Variants in ELN observed in about 807,000 individuals in gnomAD.
ELN encodes the protein tropoelastin.
A neutral mutation model predicts 105.8 loss-of-function variants in ELN; 65 were observed. The observed-to-expected ratio is 0.61, with a 90% CI of 0.50 to 0.75. The LOEUF (loss-of-function observed/expected upper bound fraction) is 0.75, where lower values mean the gene tolerates loss of function less well. Among genes scored for constraint, ELN ranks in the 30% least tolerant of loss-of-function variants. The pLI is 0.00. For synonymous variants in ELN, 368 were observed against 389.2 expected (o/e 0.95, Z 0.64); for missense variants, 882 against 969.4 (o/e 0.91, Z 1.20).
Position 74,063,232 on chromosome 7 carries a change from G to GA in ELN, c.1858+11dup, listed in dbSNP as rs782594080. 3.7e-6 allele frequency: 6 copies of GA among 1,605,270 alleles called. No homozygotes were observed. Among genetic ancestry groups the GA allele is most frequent in the African/African-American group, 1.3e-5 (1 of 74,916 alleles). On this transcript the variant is annotated intron_variant, in intron 27 of 32. Transcript: ENST00000252034. The surrounding 1 kb of genome is among the most constrained non-coding windows in gnomAD (Gnocchi z 4.1). ...TCCCAGGCGGTGTGGTGGGTGAGTT[G>GA]AAACCCCAGGAGGGGCAGGGTGGGG...
intron 31 of ELN, 77 bp from the exon 32 acceptor site, chr7:74,066,655 C>A: frequency 6.9e-7 from 1 of 1,443,750 alleles, no homozygotes; most frequent in Non-Finnish European, 9.8e-7. Context: ...TTGGGTGAGC[C>A]AGTGCAGGCA....
At chr7:74,052,922 AAAG>A (rs1193173033) in intron 17 of ELN, 1 of 578,730 alleles carries the variant, frequency 1.7e-6, no homozygotes, top group African/African-American at 1.9e-5. Context: ...GAAGGAAAGA[AAAG>A]AAAAGAAAAA....
At chr7:74,039,211 T>A (rs1453679489) in intron 4 of ELN, among the ~76,000 whole-genome samples, 31 of 152,234 alleles carry the variant, frequency 2.0e-4, no homozygotes, top group Admixed American at 2.0e-3. Context: ...GATGTGTAGT[T>A]GCAAAAGTGA....
intron 10 of ELN, 38 bp downstream of exon 10, chr7:74,045,331 C>G (rs782780797): frequency 5.6e-6 from 9 of 1,610,826 alleles, no homozygotes; most frequent in Non-Finnish European, 7.6e-6. Context: ...ATGGCAGGGA[C>G]TCTCCAACCA....
rs868907389 is a variant in ELN at position 74,056,513 on chromosome 7, T to A, written c.1315+78T>A. The A allele has an allele frequency of 1.7e-5, 27 of 1,608,026 alleles. 1 individual carries two copies. The Middle Eastern group carries it at 2.0e-3, about 118-fold the overall frequency. ...TGTCTGCTCGGCTCTGCAGGGGCAGTGGGGACTGTAGATCGGGCTTGAATG... is the reference window on the plus strand; with the variant it reads ...TGTCTGCTCGGCTCTGCAGGGGCAGAGGGGACTGTAGATCGGGCTTGAATG... On this transcript the variant is annotated intron_variant, in intron 20 of 32. Transcript: ENST00000252034.
intron 10 of ELN, chr7:74,045,754 A>G (rs1181101474): frequency 2.0e-5 from 6 of 301,812 alleles, no homozygotes; most frequent in African/African-American, 1.3e-4. Flanking sequence ...AAAATAAGAA[A>G]GAAAGAAAAG....
Position 74,060,035 on chromosome 7 carries a change from G to C in ELN, c.1564G>C (p.Gly522Arg), listed in dbSNP as rs1554683143. 9.3e-6 allele frequency: 15 copies of C among 1,613,988 alleles called. No homozygotes were observed. Among genetic ancestry groups the C allele is most frequent in the Non-Finnish European group, 1.2e-5 (14 of 1,180,016 alleles). The change falls in exon 23 of 33, where the codon GGT becomes CGT. Residue 522 changes from glycine to arginine, a missense_variant. Coordinates refer to ENST00000252034, the MANE Select transcript of ELN (RefSeq NM_000501.4). ...GVGVAPGIGPGGVAAAAKSAA... is the reference protein window; with the variant it reads ...GVGVAPGIGPRGVAAAAKSAA... ...TGGCGTGGCTCCCGGCATTGGCCCT[G>C]GTGGAGTTGCAGGTGAGTTTCATGA...
In ELN at chr7:74,050,065, TCATC is replaced by T. The variant is rs1278442378; in HGVS notation, c.799+1530_799+1533del. Among the ~76,000 whole-genome samples, 22 of 124,648 alleles carry T rather than the reference TCATC, an allele frequency of 1.8e-4. No homozygotes were observed. In the South Asian group the frequency reaches 1.9e-3, roughly 11 times the overall value. 81.8% of individuals were successfully genotyped at this position (124,648 alleles called of 152,430 possible). A position where few individuals can be genotyped will look rare whatever the true frequency, so the allele number is the denominator to read the frequency against. ...TGCATGCATCCATCCTTCCATCCATTCATCCATCCATCCATCCATCCATCTATTC... is the reference window on the plus strand; with the variant it reads ...TGCATGCATCCATCCTTCCATCCATTCATCCATCCATCCATCCATCTATTC... On this transcript the variant is annotated intron_variant, in intron 15 of 32. Transcript: ENST00000252034.
rs1792899881 is a variant in ELN at position 74,047,702 on chromosome 7, G to A, written c.671G>A (p.Gly224Glu). The A allele has an allele frequency of 6.2e-7, 1 of 1,614,184 alleles. No individual in the cohort carries two copies. The highest frequency in any genetic ancestry group is 1.1e-5 in the South Asian group (1 of 91,086). ...GGCTATGGACTGCCCTACACCACAG[G>A]GAAACTGCCCTATGGTGAGTGAGAC... ...PGGYGLPYTTGKLPYGYGPGG... is the reference protein window; with the variant it reads ...PGGYGLPYTTEKLPYGYGPGG... Residue 224 changes from glycine to glutamate, a missense_variant, in exon 13 of 33, where the codon GGG becomes GAG. Gly to Glu is a moderately conservative substitution (Grantham distance 98). Transcript: ENST00000252034.
At chr7:74,034,240 C>T (rs1003407739) in intron 1 of ELN, among the ~76,000 whole-genome samples, 4 of 152,196 alleles carry the variant, frequency 2.6e-5, no homozygotes, top group African/African-American at 4.8e-5. Context: ...GGCAGCTGCA[C>T]CTCCTTAATG....
At chr7:74,043,465 G>C (rs1791723799) in intron 8 of ELN, 2 of 694,118 alleles carry the variant, frequency 2.9e-6, no homozygotes, top group Non-Finnish European at 5.2e-6. Context: ...GTGTGGAAGG[G>C]CCTGCAGCGA....
intron 19 of ELN, among the ~76,000 whole-genome samples, chr7:74,055,016 G>A (rs565581762): frequency 2.6e-5 from 4 of 152,370 alleles, no homozygotes; most frequent in African/African-American, 4.8e-5. Flanking sequence ...TCCCTGCTCT[G>A]GCCAAGGCCC....
chr7:74,038,941 C>T (rs1038918576), intron 4 of ELN, among the ~76,000 whole-genome samples: 7 of 152,190 alleles, frequency 4.6e-5, no homozygotes, highest in Non-Finnish European at 7.3e-5. Context: ...CACTTATCCC[C>T]GCCAGCACCT....
chr7:74,066,069 G>C, intron 31 of ELN, 72 bp downstream of exon 31: 1 of 1,602,980 alleles, frequency 6.2e-7, no homozygotes, highest in Non-Finnish European at 8.5e-7. Flanking sequence ...CCATCTAGCA[G>C]TGGGGACTCC....
chr7:74,068,651 G>C lies in ELN; in HGVS notation c.2132-6G>C. On this transcript the variant is annotated splice_region_variant and splice_polypyrimidine_tract_variant and intron_variant, in intron 32 of 32. Transcript: ENST00000252034. ...CTCACAGTGATGTGCACCTCCTCCC[G>C]TCCAGGTGGGGCCTGCCTGGGGAAA... 1 of 1,614,116 alleles carries C rather than the reference G, an allele frequency of 6.2e-7. No individual in the cohort carries two copies. The highest frequency in any genetic ancestry group is 1.1e-5 in the South Asian group (1 of 91,084).
intron 22 of ELN, 33 bp downstream of exon 22, chr7:74,057,729 G>T: frequency 6.2e-7 from 1 of 1,611,362 alleles, no homozygotes; most frequent in African/African-American, 1.3e-5. Flanking sequence ...ACTGGCTCAC[G>T]GAGAACTGCT....
Position 74,036,537 on chromosome 7 carries a change from C to T in ELN, c.134-18C>T, listed in dbSNP as rs782134470. The T allele has an allele frequency of 1.2e-6, 2 of 1,613,970 alleles. No homozygotes were observed. Among genetic ancestry groups the T allele is most frequent in the East Asian group, 2.2e-5 (1 of 44,858 alleles). On this transcript the variant is annotated intron_variant, in intron 2 of 32. Coordinates refer to ENST00000252034, the MANE Select transcript of ELN (RefSeq NM_000501.4). Reference sequence around the variant, plus strand: ...AGAAGTACCGATGATCTCTCTTTCTCTTTCTCTCCCCCCACAGGGGCTGGT... The same window carrying T: ...AGAAGTACCGATGATCTCTCTTTCTTTTTCTCTCCCCCCACAGGGGCTGGT...
rs111454873 is a variant in ELN at position 74,060,960 on chromosome 7, G to T, written c.1748-141G>T. Reference sequence around the variant, plus strand: ...GGTGGAGGCACTGTTCAGCCCTAAAGCTCTGTGCCTGTACAGCTTCAGGGC... The same window carrying T: ...GGTGGAGGCACTGTTCAGCCCTAAATCTCTGTGCCTGTACAGCTTCAGGGC... On this transcript the variant is annotated intron_variant, in intron 25 of 32. Transcript: ENST00000252034. 13 of 1,034,988 alleles carry T rather than the reference G, an allele frequency of 1.3e-5. No homozygotes were observed. The East Asian group carries it at 2.9e-4, about 23-fold the overall frequency. 64.1% of individuals were successfully genotyped at this position (1,034,988 alleles called of 1,614,324 possible).
At chr7:74,047,336 C>A (rs143911911) in intron 12 of ELN, among the ~76,000 whole-genome samples, 1 of 152,214 alleles carries the variant, frequency 6.6e-6, no homozygotes, top group Non-Finnish European at 1.5e-5. Context: ...TGGAAAGATC[C>A]CTCTAACATC....
Sources: gnomAD v4.1 joint callset for allele counts (sites outside exome capture counted in the v4.1 genomes callset) on GRCh38, gnomAD v4.1.1 for gene constraint, Gnocchi (gnomAD v3.1) non-coding constraint, MANE v1.5 for transcripts, NCBI Gene and HGNC (gene_info 2026-07-23, HGNC 2026-07-21) for gene names.